Variants in PDSS2 observed in about 807,000 individuals in gnomAD.
PDSS2 encodes all trans-polyprenyl-diphosphate synthase PDSS2.
In PDSS2, 31 loss-of-function variants were observed where a neutral mutation model predicts 44.5. The ratio of observed to expected loss-of-function variants is 0.70; its 90% CI spans 0.52 to 0.94. PDSS2 has a LOEUF of 0.94. Ranked by LOEUF, PDSS2 falls within the 40% of genes least tolerant of loss-of-function variation. The probability of loss-of-function intolerance (pLI) is 0.00; values close to 1 mark genes in which losing one functional copy is unlikely to be tolerated. For missense variants in PDSS2, 452 were observed against 482.2 expected, an observed-to-expected ratio of 0.94 and a Z score of 0.59; for synonymous variants, 157 against 180.3, an observed-to-expected ratio of 0.87 and a Z score of 1.03.
chr6:107,433,407 C>A (rs542335330), intron 1 of PDSS2, among the ~76,000 whole-genome samples: 1 of 152,208 alleles, frequency 6.6e-6, no homozygotes, highest in East Asian at 1.9e-4. Context: ...ATGGTACTGG[C>A]ATAAAAACAG....
chr6:107,330,481 G>A (rs1360669070), intron 2 of PDSS2, among the ~76,000 whole-genome samples: 11 of 152,232 alleles, frequency 7.2e-5, no homozygotes, highest in Non-Finnish European at 1.5e-4. Flanking sequence ...CTAGTTAGAA[G>A]AGAAGATTGA....
chr6:107,444,206 T>TAA (rs1781598022), intron 1 of PDSS2, among the ~76,000 whole-genome samples: 4 of 152,122 alleles, frequency 2.6e-5, no homozygotes, highest in African/African-American at 4.8e-5. Flanking sequence ...TTTTAATTTT[T>TAA]TTTTTATATA....
intron 1 of PDSS2, among the ~76,000 whole-genome samples, chr6:107,362,635 T>G (rs190676324): frequency 6.6e-6 from 1 of 152,232 alleles, no homozygotes; most frequent in East Asian, 1.9e-4. Context: ...CAACAGAAAG[T>G]TAGGAGTCAT....
intron 4 of PDSS2, among the ~76,000 whole-genome samples, chr6:107,225,139 A>ATATATATATATATATATATT (rs1773749961): frequency 2.0e-4 from 7 of 35,514 alleles, no homozygotes; most frequent in African/African-American, 1.4e-3. Context: ...ATATATTTTT[A>ATATATATATATATATATATT]TATATATATA....
chr6:107,451,603 C>T (rs2114858086), intron 1 of PDSS2, among the ~76,000 whole-genome samples: 1 of 152,234 alleles, frequency 6.6e-6, no homozygotes, highest in Non-Finnish European at 1.5e-5. Context: ...AGCAGCAGAG[C>T]ATATTCTATA....
intron 1 of PDSS2, among the ~76,000 whole-genome samples, chr6:107,376,048 G>T (rs140521856): frequency 6.6e-6 from 1 of 152,140 alleles, no homozygotes; most frequent in Non-Finnish European, 1.5e-5. Context: ...TTTTTCTCAG[G>T]TCTGTCAAAG....
rs371620008 is a variant in PDSS2 at position 107,249,290 on chromosome 6, G to A, written c.631-3671C>T. On this transcript the variant is annotated intron_variant, in intron 3 of 7. Transcript: ENST00000369037. ...AGTACAAGCCTTGCGTAGATGAACAGCAGAGTATGGAAACCAAGATTATGG... is the reference window on the plus strand; with the variant it reads ...AGTACAAGCCTTGCGTAGATGAACAACAGAGTATGGAAACCAAGATTATGG... Among the ~76,000 whole-genome samples the A allele has an allele frequency of 3.9e-5, 6 of 152,286 alleles. No individual in the cohort carries two copies. In the East Asian group the frequency reaches 7.7e-4, roughly 20 times the overall value.
chr6:107,234,560 T>A (rs1049199393), intron 4 of PDSS2, among the ~76,000 whole-genome samples: 6 of 151,852 alleles, frequency 4.0e-5, no homozygotes, highest in African/African-American at 1.5e-4. Flanking sequence ...TATTTGCCTA[T>A]CAGTCTACAA....
At chr6:107,366,573 C>T (rs1245738362) in intron 1 of PDSS2, among the ~76,000 whole-genome samples, 1 of 151,402 alleles carries the variant, frequency 6.6e-6, no homozygotes, top group Non-Finnish European at 1.5e-5. Flanking sequence ...TCAATGAAAC[C>T]ATAAAGTGAC....
chr6:107,211,214 A>G (rs934292597), intron 5 of PDSS2, among the ~76,000 whole-genome samples: 4 of 151,856 alleles, frequency 2.6e-5, no homozygotes, highest in Non-Finnish European at 4.4e-5. Flanking sequence ...TTATATATGT[A>G]TATATTCCCC....
chr6:107,425,043 T>C (rs1054322240), intron 1 of PDSS2, among the ~76,000 whole-genome samples: 1 of 152,208 alleles, frequency 6.6e-6, no homozygotes, highest in Non-Finnish European at 1.5e-5. Context: ...AGTTTCCTTG[T>C]ACAAGATCTC....
At chr6:107,249,659 C>T (rs1243130114) in intron 3 of PDSS2, among the ~76,000 whole-genome samples, 1 of 152,178 alleles carries the variant, frequency 6.6e-6, no homozygotes, top group Admixed American at 6.5e-5. Context: ...CAAAGCCATA[C>T]ACTATCCTTC....
At chr6:107,167,347 C>T (rs1333973044) in intron 7 of PDSS2, among the ~76,000 whole-genome samples, 34 of 152,080 alleles carry the variant, frequency 2.2e-4, no homozygotes, top group African/African-American at 6.5e-4. Context: ...TTTTTTATTG[C>T]GTCTATTTGA....
rs190817684 is a variant in PDSS2, at chr6:107,200,007, A to T, written c.1009-6153T>A. Among the ~76,000 whole-genome samples the T allele has an allele frequency of 3.3e-3, 510 of 152,322 alleles. 3 individuals carry two copies. The highest frequency in any genetic ancestry group is 0.012 in the African/African-American group (480 of 41,564). On this transcript the variant is annotated intron_variant, in intron 6 of 7. Coordinates refer to ENST00000369037, the MANE Select transcript of PDSS2 (RefSeq NM_020381.4). ...AAAACAAATTCAATGATTTCATGAA[A>T]ATTAACCAACAAAAGGCTAGGACAG... is the stretch of plus-strand genomic sequence containing the variant.
chr6:107,412,610 C>T (rs573908977), intron 1 of PDSS2, among the ~76,000 whole-genome samples: 6 of 152,248 alleles, frequency 3.9e-5, no homozygotes, highest in East Asian at 3.9e-4. Flanking sequence ...ATACAACTGT[C>T]GGCAACATAA....
intron 6 of PDSS2, among the ~76,000 whole-genome samples, chr6:107,201,084 T>C (rs1582775668): frequency 1.3e-5 from 2 of 152,086 alleles, no homozygotes; most frequent in African/African-American, 4.8e-5. Context: ...ACACTGTTCG[T>C]CCCCAGAAGC....
chr6:107,171,979 C>A (rs1203415379), intron 7 of PDSS2, among the ~76,000 whole-genome samples: 1 of 133,382 alleles, frequency 7.5e-6, no homozygotes, highest in Non-Finnish European at 1.5e-5. Context: ...GGTGAATTAA[C>A]AGTCAGTGTT....
intron 1 of PDSS2, among the ~76,000 whole-genome samples, chr6:107,449,777 C>T (rs530639758): frequency 2.1e-4 from 32 of 152,236 alleles, no homozygotes; most frequent in African/African-American, 7.7e-4. Context: ...CACTGTGTTG[C>T]CCAAGCTGGT....
chr6:107,404,508 G>A (rs1402383251), intron 1 of PDSS2, among the ~76,000 whole-genome samples: 3 of 152,170 alleles, frequency 2.0e-5, no homozygotes, highest in Non-Finnish European at 2.9e-5. Flanking sequence ...AGAAAAATGA[G>A]GTTTAACAGA....
Sources: allele counts gnomAD v4.1 joint callset (sites outside exome capture counted in the v4.1 genomes callset), GRCh38; gene constraint gnomAD v4.1.1; transcripts MANE v1.5; gene names NCBI Gene and HGNC (gene_info 2026-07-23, HGNC 2026-07-21).